Variants in B3GALNT2 observed in about 807,000 individuals in gnomAD.
B3GALNT2 encodes the protein beta-1,3-N-acetylgalactosaminyltransferase 2, also known as UDP-GalNAc:beta-1,3-N-acetylgalactosaminyltransferase 2.
B3GALNT2 carries 53 observed loss-of-function variants against 61.1 expected under a neutral mutation model. That is an observed-to-expected ratio of 0.87 (90% CI 0.70 to 1.09). The LOEUF (loss-of-function observed/expected upper bound fraction) is 1.09. B3GALNT2 is among the 50% of genes least tolerant of loss of function. B3GALNT2 has a pLI of 0.00. For synonymous variants in B3GALNT2, 223 were observed against 237.4 expected (o/e 0.94, Z 0.56); for missense variants, 544 against 623.0 (o/e 0.87, Z 1.35).
rs143135330 is a variant in B3GALNT2 at position 235,473,089 on chromosome 1, A to G, written c.652-2129T>C. 4.0e-5 allele frequency among the ~76,000 whole-genome samples: 6 copies of G among 151,692 alleles called. No individual in the cohort carries two copies. The East Asian group carries it at 1.2e-3, about 29-fold the overall frequency. ...GCCACCATGCCTAGCTAATTTTTGT[A>G]TTTTCAGTAGAGATGGGGTTTCACC... is the stretch of plus-strand genomic sequence containing the variant. On this transcript the variant is annotated intron_variant, in intron 5 of 11. Coordinates refer to ENST00000366600, the MANE Select transcript of B3GALNT2 (RefSeq NM_152490.5).
At chr1:235,484,150 A>G (rs776732845) in intron 4 of B3GALNT2, among the ~76,000 whole-genome samples, 172 bp downstream of exon 4, 13 of 152,132 alleles carry the variant, frequency 8.5e-5, no homozygotes, top group African/African-American at 2.9e-4. Context: ...CTATCCCCAA[A>G]CCAGTCTTAT....
chr1:235,492,689 G>A (rs776313994), intron 2 of B3GALNT2, among the ~76,000 whole-genome samples: 4 of 152,126 alleles, frequency 2.6e-5, no homozygotes, highest in Non-Finnish European at 5.9e-5. Context: ...CTGGTGATAA[G>A]TGTTACCAAA....
rs919541585 is a variant in B3GALNT2 at position 235,504,167 on chromosome 1, G to T, written c.86C>A (p.Ala29Asp). Reference sequence around the variant, plus strand: ...TGCAGGGCCGGCCCCGGAGGCGCAGGCGGGCGGCGGGGAGCGCAGCCGCAG... The same window carrying T: ...TGCAGGGCCGGCCCCGGAGGCGCAGTCGGGCGGCGGGGAGCGCAGCCGCAG... Reference protein sequence around the residue: ...LWLRLRSPPPACASGAGPADQ... With the variant: ...LWLRLRSPPPDCASGAGPADQ... Residue 29 changes from alanine (A) to aspartate (D), a missense_variant, in exon 1 of 12, where the codon GCC (alanine) becomes GAC (aspartate). Coordinates refer to ENST00000366600, the MANE Select transcript of B3GALNT2 (RefSeq NM_152490.5). 2.3e-6 allele frequency: 3 copies of T among 1,296,320 alleles called. No individual in the cohort carries two copies. The highest frequency in any genetic ancestry group is 4.1e-5 in the Admixed American group (1 of 24,272). 80.3% of individuals were successfully genotyped at this position (1,296,320 alleles called of 1,614,324 possible).
At chr1:235,489,418 G>C in intron 2 of B3GALNT2, 150 bp from the exon 3 acceptor site, 1 of 1,311,326 alleles carries the variant, frequency 7.6e-7, no homozygotes, top group Non-Finnish European at 1.0e-6. Flanking sequence ...GACAAAATGG[G>C]GGAACAAGTA....
At chr1:235,494,545 T>C (rs1189776571) in intron 2 of B3GALNT2, 136 bp downstream of exon 2, 1 of 933,266 alleles carries the variant, frequency 1.1e-6, no homozygotes, top group Non-Finnish European at 1.6e-6. Flanking sequence ...CAGCCTCAAT[T>C]TTCCAAGCTC....
chr1:235,477,052 A>C (rs1684321864), intron 5 of B3GALNT2, among the ~76,000 whole-genome samples: 1 of 151,950 alleles, frequency 6.6e-6, no homozygotes, highest in Non-Finnish European at 1.5e-5. Flanking sequence ...GTAAATAAAA[A>C]TTAGGGGAAA....
At chr1:235,441,346 G>A in the B3GALNT2 span, 5 of 227,240 alleles carry the variant, frequency 2.2e-5, no homozygotes, top group Non-Finnish European at 4.4e-5. Context: ...GCACGGTCTG[G>A]TGGAAACGTG....
chr1:235,476,281 C>T (rs1684275055), intron 5 of B3GALNT2, among the ~76,000 whole-genome samples: 1 of 152,152 alleles, frequency 6.6e-6, no homozygotes, highest in South Asian at 2.1e-4. Context: ...CGTGATGGCA[C>T]ACGCCTATAG....
chr1:235,492,250 G>T (rs1685102408), intron 2 of B3GALNT2, among the ~76,000 whole-genome samples: 2 of 152,134 alleles, frequency 1.3e-5, no homozygotes, highest in Non-Finnish European at 2.9e-5. Context: ...AGTATAAACA[G>T]AAATGAATAA....
chr1:235,458,735 T>C lies in B3GALNT2; in HGVS notation c.893A>G (p.Asp298Gly), dbSNP rs1170718692. The C allele has an allele frequency of 8.7e-6, 14 of 1,611,660 alleles. No individual in the cohort carries two copies. The highest frequency in any genetic ancestry group is 1.3e-5 in the African/African-American group (1 of 74,776). Reference sequence around the variant, plus strand: ...TTCCTCATGGAGATTCCTTATATGATCAATAAGTCTTTGAGGGCGAGAATG... The same window carrying C: ...TTCCTCATGGAGATTCCTTATATGACCAATAAGTCTTTGAGGGCGAGAATG... ...NLHSRPQRLI[D>G]HIRNLHEEDA... The change falls in exon 8 of 12, where the codon GAT becomes GGT. Residue 298 changes from aspartate to glycine, a missense_variant. Physicochemically the swap from Asp to Gly is moderately conservative, Grantham distance 94. Coordinates refer to ENST00000366600, the MANE Select transcript of B3GALNT2 (RefSeq NM_152490.5).
chr1:235,459,818 G>C (rs1683334001), intron 7 of B3GALNT2, among the ~76,000 whole-genome samples: 1 of 144,080 alleles, frequency 6.9e-6, no homozygotes, highest in South Asian at 2.1e-4. Context: ...TTTTGAGACA[G>C]AGTCTCACTC....
intron 6 of B3GALNT2, among the ~76,000 whole-genome samples, chr1:235,470,285 C>A (rs1490440048): frequency 6.6e-6 from 1 of 152,012 alleles, no homozygotes; most frequent in Non-Finnish European, 1.5e-5. Context: ...TTAAAGAATG[C>A]TAACTTAAAA....
Position 235,484,583 on chromosome 1 carries a change from T to C in B3GALNT2, c.362-68A>G. ...CCTTTGTTTTACTAGTAAGAAGTAG[T>C]GAAGTGGGCTTAATGCCAAAACCTA... On this transcript the variant is annotated intron_variant, in intron 3 of 11. Coordinates refer to ENST00000366600, the MANE Select transcript of B3GALNT2 (RefSeq NM_152490.5). The C allele has an allele frequency of 3.4e-6, 5 of 1,477,592 alleles. No individual in the cohort carries two copies. In the East Asian group the frequency reaches 7.4e-5, roughly 22 times the overall value. The allele number at this position is 1,477,592 out of a possible 1,614,324, so 91.5% of individuals were successfully genotyped here. A position where few individuals can be genotyped will look rare whatever the true frequency, so the allele number is the denominator to read the frequency against.
chr1:235,441,054 C>T, the B3GALNT2 span: 1 of 152,370 alleles, frequency 6.6e-6, no homozygotes, highest in Non-Finnish European at 1.5e-5. Flanking sequence ...TTTCAAATGA[C>T]TCCATTAGCC....
At chr1:235,451,316 C>T (rs1682882404) in intron 11 of B3GALNT2, 1 of 152,106 alleles carries the variant, frequency 6.6e-6, no homozygotes, top group Admixed American at 6.6e-5. Context: ...GGTAGTCAGT[C>T]TGTGTAAGCC....
intron 8 of B3GALNT2, among the ~76,000 whole-genome samples, 164 bp from the exon 9 acceptor site, chr1:235,455,848 A>G (rs1187637741): frequency 1.3e-5 from 2 of 152,228 alleles, no homozygotes; most frequent in Non-Finnish European, 2.9e-5. Context: ...GCTGCTATCA[A>G]CTAAGGCCAT....
Position 235,448,519 on chromosome 1 carries a change from A to G in B3GALNT2, c.*1687T>C. The G allele has an allele frequency of 6.8e-7, 1 of 1,463,814 alleles. No individual in the cohort carries two copies. Among genetic ancestry groups the G allele is most frequent in the Non-Finnish European group, 9.6e-7 (1 of 1,043,350 alleles). 90.7% of individuals were successfully genotyped at this position (1,463,814 alleles called of 1,614,324 possible). ...GACATTAAACTGTCTCTAGATAGCA[A>G]CAGTTTGATTCTAAATGGAGACCAT... On this transcript the variant is annotated 3_prime_UTR_variant, in exon 12 of 12. Transcript: ENST00000366600.
downstream of B3GALNT2, chr1:235,442,951 C>T: frequency 1.2e-6 from 2 of 1,605,182 alleles, no homozygotes; most frequent in Non-Finnish European, 1.7e-6. Flanking sequence ...AACTCTGAAT[C>T]ATCGGCCTAG....
At position 235,480,117 on chromosome 1, in the gene B3GALNT2, T is replaced by C. The variant is rs773287935; in HGVS notation, c.588A>G (p.Pro196=). ...GCTTGTTCACCTGCACACCACAGCT[T>C]GGAGGACTGAAGCGAGCAATGAAGA... ...EALFIARFSP[P]SCGVQVNKLW... The change falls in exon 5 of 12, where the codon CCA becomes CCG. Residue 196 remains proline (P), a synonymous_variant. Transcript: ENST00000366600. 2 of 1,613,946 alleles carry C rather than the reference T, an allele frequency of 1.2e-6. No homozygotes were observed. The highest frequency in any genetic ancestry group is 1.7e-6 in the Non-Finnish European group (2 of 1,179,860).
Sources: allele counts gnomAD v4.1 joint callset (sites outside exome capture counted in the v4.1 genomes callset), GRCh38; gene constraint gnomAD v4.1.1; transcripts MANE v1.5; gene names NCBI Gene and HGNC (gene_info 2026-07-23, HGNC 2026-07-21).